The following SPATS1 variants were observed in gnomAD, a reference collection of about 807,000 sequenced individuals.
The protein encoded by SPATS1 is spermatogenesis associated serine rich 1.
A neutral mutation model predicts 33.6 loss-of-function variants in SPATS1; 23 were observed. That is an observed-to-expected ratio of 0.68 (90% CI 0.49 to 0.97). The LOEUF (loss-of-function observed/expected upper bound fraction) is 0.97, where lower values mean the gene tolerates loss of function less well. Among genes scored for constraint, SPATS1 ranks in the 50% least tolerant of loss-of-function variants. The pLI is 0.00. For missense variants in SPATS1, 327 were observed against 361.0 expected (o/e 0.91, Z 0.76); for synonymous variants, 131 against 125.6 (o/e 1.04, Z -0.29).
intron 5 of SPATS1, among the ~76,000 whole-genome samples, chr6:44,362,526 C>T (rs1206112714): frequency 6.6e-6 from 1 of 152,156 alleles, no homozygotes; most frequent in Non-Finnish European, 1.5e-5. Context: ...TCATAATAGA[C>T]TTACCGAAAG....
At position 44,378,392 on chromosome 6, in the gene SPATS1, C is replaced by A. The variant is rs6931374; in HGVS notation, c.*1329C>A. The A allele has an allele frequency of 0.99, 151,020 of 152,224 alleles. 74,927 individuals carry two copies. The highest frequency in any genetic ancestry group is 1 in the East Asian group (5,182 of 5,182). The allele number at this position is 152,224 out of a possible 1,614,324, so 9.4% of individuals were successfully genotyped here. On this transcript the variant is annotated 3_prime_UTR_variant, in exon 9 of 9. Transcript: ENST00000674044. ...GAGATTGGGGTCCATGCTGAGACTC[C>A]ACATGTCTATGACATGAGCATGATT...
chr6:44,366,499 G>A (rs529857670), intron 5 of SPATS1, among the ~76,000 whole-genome samples: 1 of 152,234 alleles, frequency 6.6e-6, no homozygotes, highest in East Asian at 1.9e-4. Context: ...AAAATTACTG[G>A]TTCTGGGAAC....
chr6:44,343,991 G>A (rs1229673369), intron 2 of SPATS1, among the ~76,000 whole-genome samples: 2 of 146,532 alleles, frequency 1.4e-5, no homozygotes, highest in African/African-American at 5.2e-5. Flanking sequence ...TGGGGAGAAA[G>A]GAGGGAGGTA....
At chr6:44,363,128 TGCC>T (rs1287839781) in intron 5 of SPATS1, among the ~76,000 whole-genome samples, 1 of 137,020 alleles carries the variant, frequency 7.3e-6, no homozygotes, top group East Asian at 2.1e-4. Flanking sequence ...TAAGCCACCG[TGCC>T]CAGCACTTTT....
At chr6:44,350,820 A>G (rs1047013763) in intron 2 of SPATS1, among the ~76,000 whole-genome samples, 1 of 152,180 alleles carries the variant, frequency 6.6e-6, no homozygotes, top group African/African-American at 2.4e-5. Context: ...CCCATAGTAA[A>G]TATTCAAAAA....
At chr6:44,370,012 T>C (rs1789505946) in intron 6 of SPATS1, 39 bp from the exon 7 acceptor site, 3 of 1,488,726 alleles carry the variant, frequency 2.0e-6, no homozygotes, top group Non-Finnish European at 1.9e-6. Flanking sequence ...TTGCTGTAGA[T>C]GGCATACCAG....
intron 5 of SPATS1, among the ~76,000 whole-genome samples, chr6:44,367,503 T>G (rs1789319693): frequency 6.6e-6 from 1 of 152,186 alleles, no homozygotes; most frequent in South Asian, 2.1e-4. Context: ...GACAAAAAAG[T>G]AAATACTCTG....
intron 2 of SPATS1, among the ~76,000 whole-genome samples, chr6:44,346,924 A>G (rs555667887): frequency 3.9e-5 from 6 of 152,332 alleles, no homozygotes; most frequent in African/African-American, 1.4e-4. Context: ...ACACATGTAC[A>G]CGTATGTTTA....
Position 44,352,756 on chromosome 6 carries a change from A to G in SPATS1, c.170A>G (p.Lys57Arg). ...SANCSDFLES[K>R]GCFANTTPSG... ...AATTGCAGTGATTTTCTGGAATCTAAGGGATGTTTTGCCAACACAACACCC... is the reference window on the plus strand; with the variant it reads ...AATTGCAGTGATTTTCTGGAATCTAGGGGATGTTTTGCCAACACAACACCC... Residue 57 changes from lysine to arginine, a missense_variant, in exon 3 of 9, where the codon AAG (lysine) becomes AGG (arginine). Transcript: ENST00000674044. 1 of 1,614,158 alleles carries G rather than the reference A, an allele frequency of 6.2e-7. No homozygotes were observed. Among genetic ancestry groups the G allele is most frequent in the Non-Finnish European group, 8.5e-7 (1 of 1,180,010 alleles).
At chr6:44,373,491 T>A (rs1315343900) in intron 7 of SPATS1, among the ~76,000 whole-genome samples, 1 of 152,244 alleles carries the variant, frequency 6.6e-6, no homozygotes, top group Non-Finnish European at 1.5e-5. Flanking sequence ...TTATCTATCA[T>A]CTATTAATAA....
intron 3 of SPATS1, among the ~76,000 whole-genome samples, chr6:44,358,556 T>TA (rs1174853280): frequency 6.6e-6 from 1 of 152,242 alleles, no homozygotes; most frequent in African/African-American, 2.4e-5. Flanking sequence ...TATTTAAACA[T>TA]AATTCACATA....
At chr6:44,372,252 CA>C (rs1202728244) in intron 7 of SPATS1, among the ~76,000 whole-genome samples, 10,842 of 80,620 alleles carry the variant, frequency 0.13, 768 homozygotes, top group African/African-American at 0.28. Context: ...GACTCCATCT[CA>C]AAAAAAAAAA....
chr6:44,351,909 A>C (rs968950631), intron 2 of SPATS1, among the ~76,000 whole-genome samples: 1 of 152,230 alleles, frequency 6.6e-6, no homozygotes, highest in African/African-American at 2.4e-5. Flanking sequence ...GGTTGTGATC[A>C]GCATTATATT....
chr6:44,374,816 C>A (rs1288087958), intron 7 of SPATS1, among the ~76,000 whole-genome samples: 1 of 152,134 alleles, frequency 6.6e-6, no homozygotes, highest in Non-Finnish European at 1.5e-5. Flanking sequence ...TGCTCTTAGT[C>A]CTGCTTTTCT....
intron 3 of SPATS1, among the ~76,000 whole-genome samples, chr6:44,358,011 G>A (rs1788692815): frequency 6.6e-6 from 1 of 152,096 alleles, no homozygotes; most frequent in Admixed American, 6.5e-5. Flanking sequence ...AAGGTGTCAG[G>A]ATAAGCAGAG....
In SPATS1 at chr6:44,379,231, G is replaced by A. The variant is rs989722351; in HGVS notation, c.*2168G>A. On this transcript the variant is annotated 3_prime_UTR_variant, in exon 9 of 9. Coordinates refer to ENST00000674044, the MANE Select transcript of SPATS1 (RefSeq NM_001372081.1). ...CTGGTGAGATTATCTAGGTGGCACA[G>A]GAAACTGCTCTCAGAAGGTTCCCTG... Among the ~76,000 whole-genome samples, 10 of 152,070 alleles carry A rather than the reference G, an allele frequency of 6.6e-5. No individual in the cohort carries two copies. Among genetic ancestry groups the A allele is most frequent in the African/African-American group, 2.4e-4 (10 of 41,396 alleles).
At chr6:44,372,048 G>A (rs1789655185) in intron 7 of SPATS1, among the ~76,000 whole-genome samples, 1 of 151,540 alleles carries the variant, frequency 6.6e-6, no homozygotes, top group African/African-American at 2.4e-5. Context: ...GAGGTCAAGA[G>A]ATCAAGACCA....
intron 1 of SPATS1, 71 bp downstream of exon 1, chr6:44,342,839 AAAG>A: frequency 6.8e-6 from 8 of 1,172,650 alleles, no homozygotes; most frequent in Middle Eastern, 2.0e-4. Context: ...CCGAGGTGGA[AAAG>A]AAGGAGCACC....
chr6:44,349,490 A>T (rs1173958026), intron 2 of SPATS1, among the ~76,000 whole-genome samples: 1 of 152,166 alleles, frequency 6.6e-6, no homozygotes, highest in Non-Finnish European at 1.5e-5. Flanking sequence ...CCTTCTTTAT[A>T]TATGTGCATG....
Sources: gnomAD v4.1 joint callset for allele counts (sites outside exome capture counted in the v4.1 genomes callset) on GRCh38, gnomAD v4.1.1 for gene constraint, MANE v1.5 for transcripts, NCBI Gene and HGNC (gene_info 2026-07-23, HGNC 2026-07-21) for gene names.